ERC2: variants seen among roughly 807,000 people sequenced by gnomAD.
The protein encoded by ERC2 is ELKS/RAB6-interacting/CAST family member 2.
Under a neutral mutation model 114.8 loss-of-function variants are expected in ERC2, and 42 were observed. That is an observed-to-expected ratio of 0.37 (90% CI 0.29 to 0.47). The LOEUF (loss-of-function observed/expected upper bound fraction) is 0.47, where lower values mean the gene tolerates loss of function less well. Among genes scored for constraint, ERC2 ranks in the 20% least tolerant of loss-of-function variants. The pLI, the probability that ERC2 is intolerant of heterozygous loss-of-function variation, is 0.99. For synonymous variants in ERC2, 454 were observed against 425.5 expected (o/e 1.07, Z -0.82); for missense variants, 939 against 1,150.7 (o/e 0.82, Z 2.66).
At chr3:56,064,175 A>G (rs1311004888) in intron 7 of ERC2, among the ~76,000 whole-genome samples, 2 of 152,158 alleles carry the variant, frequency 1.3e-5, no homozygotes, top group Non-Finnish European at 2.9e-5. Context: ...TTTTCCCCTG[A>G]CTACCTGACA....
rs1344885795 is a variant in ERC2, at chr3:56,017,893, C to T, written c.1779+1001G>A. ...GGTGGGGGCTCACTCCACCAGTATC[C>T]AGTACTGAGTGAGCATCCCCAATGC... is the stretch of plus-strand genomic sequence containing the variant. On this transcript the variant is annotated intron_variant, in intron 8 of 17. Transcript: ENST00000288221. Among the ~76,000 whole-genome samples the T allele has an allele frequency of 2.6e-5, 4 of 152,128 alleles. No homozygotes were observed. The East Asian group carries it at 5.8e-4, about 22-fold the overall frequency.
chr3:55,652,191 G>A lies in ERC2; in HGVS notation c.*39+31603C>T, dbSNP rs760693573. 7.9e-5 allele frequency among the ~76,000 whole-genome samples: 12 copies of A among 152,260 alleles called. No individual in the cohort carries two copies. The South Asian group carries it at 8.3e-4, about 11-fold the overall frequency. ...GCATGGGTTAAAAAAATAGCTGCTC[G>A]TTGTAAAGGGCAGTGCACTGTGTTT... On this transcript the variant is annotated intron_variant, in intron 17 of 17. Coordinates refer to ENST00000288221, the MANE Select transcript of ERC2 (RefSeq NM_015576.3).
intron 17 of ERC2, among the ~76,000 whole-genome samples, chr3:55,643,894 T>C (rs1204562880): frequency 6.6e-6 from 1 of 152,212 alleles, no homozygotes; most frequent in African/African-American, 2.4e-5. Flanking sequence ...ATTTGGTCTC[T>C]GAGTTTCAAG....
At chr3:55,651,914 T>C (rs1393349103) in intron 17 of ERC2, among the ~76,000 whole-genome samples, 1 of 152,246 alleles carries the variant, frequency 6.6e-6, no homozygotes, top group Admixed American at 6.5e-5. Flanking sequence ...CGGAATGCTG[T>C]TGCATTTCAT....
chr3:55,884,942 GGTATTATCACCTCCAT>G (rs1388526305), intron 14 of ERC2, among the ~76,000 whole-genome samples: 1 of 152,100 alleles, frequency 6.6e-6, no homozygotes, highest in African/African-American at 2.4e-5. Flanking sequence ...AAGCAGGGCA[GGTATTATCACCTCCAT>G]TTTACTGAAG....
chr3:56,218,488 C>A (rs1174745190), intron 3 of ERC2, among the ~76,000 whole-genome samples: 6 of 152,168 alleles, frequency 3.9e-5, no homozygotes, highest in African/African-American at 1.4e-4. Context: ...AGTCAGGGAA[C>A]AACAGGTGCT....
chr3:55,521,217 G>T (rs2052908577), intron 17 of ERC2, among the ~76,000 whole-genome samples: 1 of 152,172 alleles, frequency 6.6e-6, no homozygotes, highest in African/African-American at 2.4e-5. Flanking sequence ...TTTGCCTGTC[G>T]GCCACCTGGG....
chr3:55,806,116 A>G (rs758289926), intron 14 of ERC2, among the ~76,000 whole-genome samples: 16 of 152,048 alleles, frequency 1.1e-4, no homozygotes, highest in South Asian at 2.1e-4. Flanking sequence ...GCGCAGATCA[A>G]TTGAGGTCAG....
chr3:55,587,535 G>C (rs1403789103), intron 17 of ERC2, among the ~76,000 whole-genome samples: 1 of 152,038 alleles, frequency 6.6e-6, no homozygotes, highest in Non-Finnish European at 1.5e-5. Flanking sequence ...AACCCTAATG[G>C]CACATATCTT....
At chr3:55,609,180 C>T (rs776660400) in intron 17 of ERC2, among the ~76,000 whole-genome samples, 4 of 152,164 alleles carry the variant, frequency 2.6e-5, no homozygotes, top group Non-Finnish European at 5.9e-5. Flanking sequence ...CTCCATGTAG[C>T]GAGTGGTGTG....
At chr3:55,699,309 T>G in intron 16 of ERC2, 69 bp downstream of exon 16, 1 of 1,574,878 alleles carries the variant, frequency 6.3e-7, no homozygotes, top group Non-Finnish European at 8.7e-7. Flanking sequence ...TTCTTGAGGA[T>G]TATTTATTTT....
At chr3:55,983,251 A>G (rs2070305004) in intron 12 of ERC2, among the ~76,000 whole-genome samples, 1 of 152,224 alleles carries the variant, frequency 6.6e-6, no homozygotes, top group African/African-American at 2.4e-5. Context: ...TTTGAACTGA[A>G]TCCCAAAGGA....
At chr3:56,038,111 A>G (rs1035802411) in intron 7 of ERC2, among the ~76,000 whole-genome samples, 1 of 152,234 alleles carries the variant, frequency 6.6e-6, no homozygotes, top group African/African-American at 2.4e-5. Flanking sequence ...GAGCTTCTAC[A>G]CAGCAAAAGA....
At position 55,879,449 on chromosome 3, in the gene ERC2, A is replaced by T. The variant is rs146113240; in HGVS notation, c.2564+8940T>A. Among the ~76,000 whole-genome samples the T allele has an allele frequency of 3.5e-3, 534 of 152,284 alleles. 6 individuals are homozygous for T. The highest frequency in any genetic ancestry group is 0.012 in the African/African-American group (502 of 41,566). On this transcript the variant is annotated intron_variant, in intron 14 of 17. Transcript: ENST00000288221. ...CACTTCCTTAACAGTTAAAAGAAGC[A>T]TCTGTCTTCTTGGACTTCTCTGGAC...
intron 15 of ERC2, among the ~76,000 whole-genome samples, chr3:55,705,279 G>T (rs1341845574): frequency 2.0e-5 from 3 of 152,142 alleles, no homozygotes; most frequent in African/African-American, 7.2e-5. Flanking sequence ...AGTTGGCTTG[G>T]CTATAGGTAT....
At chr3:55,868,130 G>A (rs887056598) in intron 14 of ERC2, among the ~76,000 whole-genome samples, 1 of 151,828 alleles carries the variant, frequency 6.6e-6, no homozygotes, top group Non-Finnish European at 1.5e-5. Flanking sequence ...AGAATTTCCT[G>A]GTCCCTTAAT....
chr3:56,308,542 T>C (rs1382227213), intron 2 of ERC2, among the ~76,000 whole-genome samples: 2 of 152,190 alleles, frequency 1.3e-5, no homozygotes, highest in African/African-American at 4.8e-5. Flanking sequence ...ATGATGTGCA[T>C]GGAACACACA....
At chr3:55,995,490 G>A (rs186217198) in intron 10 of ERC2, among the ~76,000 whole-genome samples, 6 of 152,252 alleles carry the variant, frequency 3.9e-5, no homozygotes, top group Non-Finnish European at 5.9e-5. Context: ...TGTTGGGAGA[G>A]CTATTAAAAT....
At chr3:55,858,014 C>T (rs1274532395) in intron 14 of ERC2, among the ~76,000 whole-genome samples, 1 of 152,192 alleles carries the variant, frequency 6.6e-6, no homozygotes, top group Non-Finnish European at 1.5e-5. Flanking sequence ...TATAACTTGG[C>T]ATTAAGCCTT....
Sources: gnomAD v4.1 joint callset for allele counts (sites outside exome capture counted in the v4.1 genomes callset) on GRCh38, gnomAD v4.1.1 for gene constraint, MANE v1.5 for transcripts, NCBI Gene and HGNC (gene_info 2026-07-23, HGNC 2026-07-21) for gene names.